The following SPON2 variants were observed in gnomAD, a reference collection of about 807,000 sequenced individuals.
SPON2 encodes the protein spondin-2.
SPON2 carries 32 observed loss-of-function variants against 29.9 expected under a neutral mutation model. The observed-to-expected ratio is 1.07, with a 90% CI of 0.81 to 1.44. SPON2 has a LOEUF of 1.44. Among genes scored for constraint, SPON2 ranks in the 40% most tolerant of loss-of-function variants. The pLI is 0.00. For missense variants in SPON2, 541 were observed against 455.5 expected (o/e 1.19, Z -1.71); for synonymous variants, 248 against 209.1 (o/e 1.19, Z -1.61).
At chr4:1,194,352 G>A (rs978596979) in intron 1 of SPON2, among the ~76,000 whole-genome samples, 3 of 152,198 alleles carry the variant, frequency 2.0e-5, no homozygotes, top group African/African-American at 4.8e-5. Flanking sequence ...CTTCAGAGGC[G>A]GTTCAAGGAG....
chr4:1,205,895 G>A (rs926184098), intron 1 of SPON2, among the ~76,000 whole-genome samples: 3 of 152,184 alleles, frequency 2.0e-5, no homozygotes, highest in Non-Finnish European at 2.9e-5. Flanking sequence ...CTCCTCGCTC[G>A]GGCCTGGGGG....
rs539569650 is a variant in SPON2 at position 1,194,241 on chromosome 4, G to C, written c.-239+749C>G. Reference sequence around the variant, plus strand: ...TCCAAGGGTCTTCGGCGAGGTGTGCGGGCCTCTTCTGCCAAGGCCATGTCA... The same window carrying C: ...TCCAAGGGTCTTCGGCGAGGTGTGCCGGCCTCTTCTGCCAAGGCCATGTCA... On this transcript the variant is annotated intron_variant, in intron 1 of 3. Coordinates refer to the SPON2 transcript ENST00000502483. Among the ~76,000 whole-genome samples the C allele has an allele frequency of 3.9e-5, 6 of 152,280 alleles. No individual in the cohort carries two copies. The East Asian group carries it at 1.2e-3, about 29-fold the overall frequency.
At chr4:1,185,715 A>T (rs1268275936) in intron 1 of SPON2, among the ~76,000 whole-genome samples, 3 of 150,780 alleles carry the variant, frequency 2.0e-5, no homozygotes, top group African/African-American at 7.3e-5. Context: ...CTCCAAAAAA[A>T]AAAAGAATGA....
Position 1,171,060 on chromosome 4 carries a change from TC to T in SPON2, c.574del (p.Asp192ThrfsTer19). 6.5e-7 allele frequency: 1 copy of T among 1,549,804 alleles called. No homozygotes were observed. On this transcript the variant is annotated frameshift_variant, in exon 4 of 6. Transcript: ENST00000290902. LOFTEE classifies it high-confidence loss of function. ...LDLYPYDAGT[D>X]SGFTFSSPNF... ...GGGGGAGGAGAAGGTGAAGCCGCTG[TC>T]CGTCCCGGCGTCGTAGGGGTACAGG... is the stretch of plus-strand genomic sequence containing the variant.
intron 1 of SPON2, among the ~76,000 whole-genome samples, chr4:1,182,521 G>C (rs375912263): frequency 1.2e-4 from 18 of 152,246 alleles, no homozygotes; most frequent in African/African-American, 3.8e-4. Context: ...CTTGAAGACA[G>C]GACAATGGAA....
At chr4:1,169,308 G>C (rs547763508) in intron 5 of SPON2, among the ~76,000 whole-genome samples, 1 of 152,160 alleles carries the variant, frequency 6.6e-6, no homozygotes, top group African/African-American at 2.4e-5. Flanking sequence ...TAAGTGGCTC[G>C]GGGACATCTG....
intron 1 of SPON2, among the ~76,000 whole-genome samples, chr4:1,188,202 C>CAAAAA (rs1164276990): frequency 0.02 from 687 of 34,670 alleles, no homozygotes; most frequent in Middle Eastern, 0.034. Flanking sequence ...GACTCCGTCT[C>CAAAAA]AAAAAAAAAA....
chr4:1,171,330 G>A lies in SPON2; in HGVS notation c.377C>T (p.Ala126Val), dbSNP rs1465520445. The change falls in exon 3 of 6, where the codon GCG (alanine) becomes GTG (valine). Residue 126 changes from alanine to valine, a missense_variant. By Grantham distance (64) the Ala-to-Val change is moderately conservative. Coordinates refer to ENST00000290902, the MANE Select transcript of SPON2 (RefSeq NM_012445.4). ...CCCGGTGCCGCTGGGGACGGCGGGC[G>A]CCGAAAACACCGCGTGCACGCTCTG... is the stretch of plus-strand genomic sequence containing the variant. ...ALQSVHAVFS[A>V]PAVPSGTGQT... 2.1e-5 allele frequency: 33 copies of A among 1,603,762 alleles called. No individual in the cohort carries two copies. Among genetic ancestry groups the A allele is most frequent in the Non-Finnish European group, 2.5e-5 (29 of 1,178,180 alleles).
chr4:1,195,033 C>T (rs1363928492), exon 1 of SPON2: 13 of 112,274 alleles, frequency 1.2e-4, no homozygotes, highest in East Asian at 7.7e-4. Flanking sequence ...GGCTCCAACC[C>T]CGCAGCCGGC....
At chr4:1,167,780 T>G (rs1418000316) in intron 5 of SPON2, 124 bp from the exon 6 acceptor site, 2 of 1,063,194 alleles carry the variant, frequency 1.9e-6, no homozygotes, top group Non-Finnish European at 2.6e-6. Flanking sequence ...CGGGGGCACT[T>G]GCGTTTCTCC....
In SPON2 at chr4:1,170,986, G is replaced by A; in HGVS notation, c.636+13C>T. The stretch of plus-strand genomic sequence containing the variant: ...GCCATAGCGGCCCTTGCGCACGCGG[G>A]GTGCCCACTCACCTCGGTCACCGTG... On this transcript the variant is annotated intron_variant, in intron 4 of 5. Coordinates refer to ENST00000290902, the MANE Select transcript of SPON2 (RefSeq NM_012445.4). 2 of 1,546,906 alleles carry A rather than the reference G, an allele frequency of 1.3e-6. No individual in the cohort carries two copies. Among genetic ancestry groups the A allele is most frequent in the Non-Finnish European group, 1.7e-6 (2 of 1,144,552 alleles).
chr4:1,189,638 C>CAAAAAAAAAAAAAAAAA (rs61543201), intron 1 of SPON2, among the ~76,000 whole-genome samples: 1 of 60,244 alleles, frequency 1.7e-5, no homozygotes, highest in Non-Finnish European at 3.1e-5. Context: ...GACCCTGTCT[C>CAAAAAAAAAAAAAAAAA]AAAAAAAAAA....
chr4:1,176,832 TCA>T (rs745576692), upstream of SPON2, among the ~76,000 whole-genome samples: 32 of 152,306 alleles, frequency 2.1e-4, no homozygotes, highest in South Asian at 8.3e-4. Flanking sequence ...ATTCATTCAT[TCA>T]CACAGTTCAT....
chr4:1,178,356 G>C (rs570681805), intron 2 of SPON2, among the ~76,000 whole-genome samples: 1 of 152,292 alleles, frequency 6.6e-6, no homozygotes, highest in South Asian at 2.1e-4. Context: ...TGAGACTTCA[G>C]ACTCGCAGGG....
chr4:1,167,516 C>T lies in SPON2; in HGVS notation c.952G>A (p.Glu318Lys), dbSNP rs754339978. The T allele has an allele frequency of 4.3e-6, 7 of 1,613,780 alleles. No homozygotes were observed. Among genetic ancestry groups the T allele is most frequent in the Non-Finnish European group, 5.9e-6 (7 of 1,179,986 alleles). ...ACGCACTCAGCCTCTTCTTCGAGCT[C>T]GGGGCAGGGGCTCCCGTTGTTGGCG... ...QPANNGSPCP[E>K]LEEEAECVPD... Residue 318 changes from glutamate to lysine, a missense_variant, in exon 6 of 6, where the codon GAG (glutamate) becomes AAG (lysine). Transcript: ENST00000290902.
intron 1 of SPON2, among the ~76,000 whole-genome samples, chr4:1,205,791 C>T (rs922081839): frequency 1.7e-4 from 26 of 152,206 alleles, no homozygotes; most frequent in Non-Finnish European, 3.2e-4. Context: ...CCACCAGGGG[C>T]CCCTCTCACC....
At chr4:1,177,444 G>A (rs1211689829), upstream of SPON2, among the ~76,000 whole-genome samples, 3 of 152,198 alleles carry the variant, frequency 2.0e-5, no homozygotes, top group Admixed American at 6.5e-5. Context: ...GTCAGGCATC[G>A]GGGGTGGAGT....
In SPON2 at chr4:1,172,087, A is replaced by G; in HGVS notation, c.-3-13T>C. The G allele has an allele frequency of 6.2e-7, 1 of 1,607,098 alleles. No individual in the cohort carries two copies. Among genetic ancestry groups the G allele is most frequent in the Non-Finnish European group, 8.5e-7 (1 of 1,177,438 alleles). Reference sequence around the variant, plus strand: ...GGTTTTCCATCACCTGGGAGCACAGAGGGGAGCAGCCGCGCGCTGGCACCG... The same window carrying G: ...GGTTTTCCATCACCTGGGAGCACAGGGGGGAGCAGCCGCGCGCTGGCACCG... On this transcript the variant is annotated splice_polypyrimidine_tract_variant and intron_variant, in intron 1 of 5. Coordinates refer to ENST00000290902, the MANE Select transcript of SPON2 (RefSeq NM_012445.4).
At position 1,207,199 on chromosome 4, in the gene SPON2, G is replaced by A. The variant is rs1456769615; in HGVS notation, c.-234+681C>T. ...CTGTCTGGGCAGGCAGCCGGGCCCC[G>A]CCAGGTGTGACTGCCCACTGCACAG... On this transcript the variant is annotated intron_variant, in intron 1 of 3. Transcript: ENST00000509233. Among the ~76,000 whole-genome samples the A allele has an allele frequency of 5.9e-5, 9 of 152,274 alleles. No homozygotes were observed. The Middle Eastern group carries it at 0.01, about 173-fold the overall frequency.
Sources: allele counts gnomAD v4.1 joint callset (sites outside exome capture counted in the v4.1 genomes callset), GRCh38; gene constraint gnomAD v4.1.1; transcripts MANE v1.5; gene names NCBI Gene and HGNC (gene_info 2026-07-23, HGNC 2026-07-21).